FRMPD3: variants seen among roughly 807,000 people sequenced by gnomAD.
The protein encoded by FRMPD3 is FERM and PDZ domain-containing protein 3.
A neutral mutation model predicts 97.9 loss-of-function variants in FRMPD3; 42 were observed. The ratio of observed to expected loss-of-function variants is 0.43; its 90% CI spans 0.34 to 0.55. FRMPD3 has a LOEUF of 0.55. Among genes scored for constraint, FRMPD3 ranks in the 20% least tolerant of loss-of-function variants. The probability of loss-of-function intolerance (pLI) is 0.03; values close to 1 mark genes in which losing one functional copy is unlikely to be tolerated. For missense variants in FRMPD3, 1,303 were observed against 1,457.7 expected (o/e 0.89, Z 1.73); for synonymous variants, 577 against 581.1 (o/e 0.99, Z 0.10).
intron 12 of FRMPD3, among the ~76,000 whole-genome samples, chrX:107,574,826 C>A (rs1370181834): frequency 8.9e-6 from 1 of 111,984 alleles, no homozygotes; most frequent in Admixed American, 9.5e-5. Context: ...AGAGAAGGGC[C>A]TCATTTCCTC....
intron 5 of FRMPD3, among the ~76,000 whole-genome samples, chrX:107,549,755 G>A (rs972703611): frequency 8.9e-6 from 1 of 111,793 alleles, no homozygotes; most frequent in Non-Finnish European, 1.9e-5. Context: ...GCCCTTCAGC[G>A]GGTGTGTGGT....
intron 12 of FRMPD3, among the ~76,000 whole-genome samples, chrX:107,568,213 C>T (rs1486519388): frequency 9.1e-6 from 1 of 110,373 alleles, no homozygotes; most frequent in African/African-American, 3.3e-5. Context: ...ATGCTAAACA[C>T]AGAATTTATT....
rs184730200 is a variant in FRMPD3, at chrX:107,477,455, A to G, written c.-8+27450A>G. Reference sequence around the variant, plus strand: ...GTCATATAGAAATATTCCCATCTGGATAGTTCTAGAGAAGCAAGTCTGGGT... The same window carrying G: ...GTCATATAGAAATATTCCCATCTGGGTAGTTCTAGAGAAGCAAGTCTGGGT... On this transcript the variant is annotated intron_variant, in intron 1 of 14. Coordinates refer to ENST00000683843, the MANE Select transcript of FRMPD3 (RefSeq NM_001388459.1). 2.7e-5 allele frequency among the ~76,000 whole-genome samples: 3 copies of G among 112,636 alleles called. No homozygotes were observed. In the Admixed American group the frequency reaches 2.8e-4, roughly 10 times the overall value.
At chrX:107,518,552 TA>T (rs910547251) in intron 1 of FRMPD3, among the ~76,000 whole-genome samples, 335 of 110,064 alleles carry the variant, frequency 3.0e-3, no homozygotes, top group African/African-American at 9.9e-3. Flanking sequence ...AAGGCTATTA[TA>T]AAAAAAAATG....
rs1051474334 is a variant in FRMPD3 at position 107,526,443 on chromosome X, T to C, written c.-7-139T>C. ...AATATGAGGCAGTCATCATCTCTGT[T>C]GGCTCCAGAGGATGTAGGAAGCTAA... is the stretch of plus-strand genomic sequence containing the variant. On this transcript the variant is annotated intron_variant, in intron 1 of 14. Transcript: ENST00000683843. 4.2e-5 allele frequency: 18 copies of C among 423,846 alleles called. No individual in the cohort carries two copies. In the Admixed American group the frequency reaches 5.5e-4, roughly 13 times the overall value. 34.9% of individuals were successfully genotyped at this position (423,846 alleles called of 1,213,427 possible).
At chrX:107,537,309 C>T (rs1921029471) in intron 4 of FRMPD3, among the ~76,000 whole-genome samples, 1 of 111,818 alleles carries the variant, frequency 8.9e-6, no homozygotes, top group African/African-American at 3.2e-5. Flanking sequence ...TTTTCATTCA[C>T]TCATCAAGCA....
At chrX:107,561,765 G>A (rs1200377256) in intron 10 of FRMPD3, among the ~76,000 whole-genome samples, 4 of 112,352 alleles carry the variant, frequency 3.6e-5, no homozygotes, top group African/African-American at 6.5e-5. Context: ...AAATTTCCCC[G>A]GAGAGTTAAG....
rs1343058990 is a variant in FRMPD3 at position 107,602,783 on chromosome X, G to C, written c.4744G>C (p.Ala1582Pro). Residue 1582 changes from alanine to proline, a missense_variant, in exon 15 of 15, where the codon GCC becomes CCC. Physicochemically the swap from Ala to Pro is conservative, Grantham distance 27. Coordinates refer to ENST00000683843, the MANE Select transcript of FRMPD3 (RefSeq NM_001388459.1). Reference sequence around the variant, plus strand: ...CCTGGCCAAGATCAATGCCCTGCGGGCCCATGCCTATGGCCTCCCTGATGG... The same window carrying C: ...CCTGGCCAAGATCAATGCCCTGCGGCCCCATGCCTATGGCCTCCCTGATGG... ...GSLAKINALRAHAYGLPDGFL... is the reference protein window; with the variant it reads ...GSLAKINALRPHAYGLPDGFL... 1 of 1,208,912 alleles carries C rather than the reference G, an allele frequency of 8.3e-7. No individual in the cohort carries two copies. Among genetic ancestry groups the C allele is most frequent in the Non-Finnish European group, 1.1e-6 (1 of 894,839 alleles).
intron 1 of FRMPD3, among the ~76,000 whole-genome samples, chrX:107,506,332 T>G (rs992182999): frequency 9.0e-6 from 1 of 111,477 alleles, no homozygotes; most frequent in Non-Finnish European, 1.9e-5. Context: ...CAGAAAAAAA[T>G]GGGGAAAGTG....
At chrX:107,500,950 C>A (rs1921891030) in intron 1 of FRMPD3, among the ~76,000 whole-genome samples, 1 of 111,213 alleles carries the variant, frequency 9.0e-6, no homozygotes, top group African/African-American at 3.3e-5. Context: ...AAAAGTTTAT[C>A]TCTTACCTGA....
At chrX:107,452,688 G>A (rs151090749) in intron 1 of FRMPD3, among the ~76,000 whole-genome samples, 5,986 of 111,526 alleles carry the variant, frequency 0.054, 397 homozygotes, top group African/African-American at 0.19. Context: ...AGAGGTCTGG[G>A]GACTCCTATG....
chrX:107,455,172 C>A (rs1931354247), intron 1 of FRMPD3, among the ~76,000 whole-genome samples: 1 of 111,640 alleles, frequency 9.0e-6, no homozygotes, highest in Non-Finnish European at 1.9e-5. Context: ...TCCTTCAGCT[C>A]TACATTCAAA....
intron 4 of FRMPD3, among the ~76,000 whole-genome samples, chrX:107,543,817 G>GAA (rs58427780): frequency 5.1e-4 from 34 of 66,496 alleles, no homozygotes; most frequent in Admixed American, 4.3e-3. Context: ...CTCCTTCTCA[G>GAA]AAAAAAAAAA....
chrX:107,511,536 C>A (rs1922164136), intron 1 of FRMPD3, among the ~76,000 whole-genome samples: 2 of 112,978 alleles, frequency 1.8e-5, no homozygotes. Context: ...TGGCCCAGGC[C>A]ATCGATGCCT....
intron 12 of FRMPD3, among the ~76,000 whole-genome samples, chrX:107,566,651 G>T (rs1424699796): frequency 1.3e-4 from 15 of 113,232 alleles, no homozygotes; most frequent in African/African-American, 4.8e-4. Context: ...GTCCTTAAGT[G>T]CTTTAAGAAA....
chrX:107,527,229 A>G (rs1019320914), intron 2 of FRMPD3, among the ~76,000 whole-genome samples: 2 of 112,167 alleles, frequency 1.8e-5, no homozygotes, highest in Non-Finnish European at 3.8e-5. Context: ...TACAGACCAC[A>G]GGTGGGATAG....
At chrX:107,509,553 A>G (rs1216278483) in intron 1 of FRMPD3, among the ~76,000 whole-genome samples, 2 of 111,469 alleles carry the variant, frequency 1.8e-5, no homozygotes, top group African/African-American at 6.5e-5. Flanking sequence ...AATTTTTTCT[A>G]TGATTTCTTT....
intron 1 of FRMPD3, among the ~76,000 whole-genome samples, chrX:107,506,605 G>T (rs1922032892): frequency 8.9e-6 from 1 of 112,573 alleles, no homozygotes; most frequent in Non-Finnish European, 1.9e-5. Flanking sequence ...CAGCTGGATT[G>T]TCTGCATATC....
chrX:107,515,728 G>A (rs906148714), intron 1 of FRMPD3, among the ~76,000 whole-genome samples: 3 of 111,553 alleles, frequency 2.7e-5, no homozygotes, highest in African/African-American at 9.8e-5. Flanking sequence ...CCATCAGCAT[G>A]CTAGCATGAT....
Sources: gnomAD v4.1 joint callset for allele counts (sites outside exome capture counted in the v4.1 genomes callset) on GRCh38, gnomAD v4.1.1 for gene constraint, MANE v1.5 for transcripts, NCBI Gene and HGNC (gene_info 2026-07-23, HGNC 2026-07-21) for gene names.